NRG1: variants seen among roughly 807,000 people sequenced by gnomAD.
The protein encoded by NRG1 is neuregulin 1.
NRG1 carries 18 observed loss-of-function variants against 63.8 expected under a neutral mutation model. The ratio of observed to expected loss-of-function variants is 0.28; its 90% CI spans 0.19 to 0.42. The LOEUF (loss-of-function observed/expected upper bound fraction) is 0.42, where lower values mean the gene tolerates loss of function less well. Ranked by LOEUF, NRG1 falls within the 10% of genes least tolerant of loss-of-function variation. NRG1 has a pLI of 1.00. For missense variants in NRG1, 762 were observed against 814.7 expected (o/e 0.94, Z 0.79); for synonymous variants, 302 against 301.3 (o/e 1.00, Z -0.02).
chr8:32,097,103 C>T (rs1192922794), intron 1 of NRG1, among the ~76,000 whole-genome samples: 1 of 152,144 alleles, frequency 6.6e-6, no homozygotes, highest in East Asian at 1.9e-4. Flanking sequence ...AATATTTGTG[C>T]TTTTGTGTCA....
chr8:31,738,822 T>A (rs1814957340), intron 1 of NRG1, among the ~76,000 whole-genome samples: 1 of 152,150 alleles, frequency 6.6e-6, no homozygotes, highest in Non-Finnish European at 1.5e-5. Flanking sequence ...TGTCTCTGTC[T>A]CTCTCTGTGT....
At chr8:32,120,448 T>A (rs1277481312) in intron 1 of NRG1, among the ~76,000 whole-genome samples, 2 of 152,042 alleles carry the variant, frequency 1.3e-5, no homozygotes, top group African/African-American at 2.4e-5. Flanking sequence ...TAGGATTAAA[T>A]AAAGTGCTAA....
chr8:31,641,111 G>A (rs187151780), intron 1 of NRG1, among the ~76,000 whole-genome samples: 18 of 152,224 alleles, frequency 1.2e-4, no homozygotes, highest in African/African-American at 4.3e-4. Context: ...GGTGAGTCCC[G>A]CAGGATTTTA....
chr8:31,918,870 C>G (rs1177451047), intron 1 of NRG1, among the ~76,000 whole-genome samples: 1 of 152,032 alleles, frequency 6.6e-6, no homozygotes, highest in Non-Finnish European at 1.5e-5. Flanking sequence ...ATTATTGCCA[C>G]AATTTCAGCT....
chr8:31,802,537 T>C (rs1035010984), intron 1 of NRG1, among the ~76,000 whole-genome samples: 11 of 152,122 alleles, frequency 7.2e-5, no homozygotes, highest in East Asian at 3.9e-4. Flanking sequence ...CTAGTAGGAG[T>C]TATTTACATG....
At chr8:32,341,087 G>A (rs1230158254) in intron 1 of NRG1, among the ~76,000 whole-genome samples, 1 of 152,162 alleles carries the variant, frequency 6.6e-6, no homozygotes, top group Non-Finnish European at 1.5e-5. Flanking sequence ...TTAACTCAGT[G>A]TGTCTACATC....
chr8:32,268,020 G>T (rs1851162905), intron 1 of NRG1, among the ~76,000 whole-genome samples: 1 of 152,086 alleles, frequency 6.6e-6, no homozygotes, highest in Admixed American at 6.6e-5. Flanking sequence ...TGATTCCATG[G>T]TTATCTTATG....
chr8:31,855,032 G>C (rs1391361056), intron 1 of NRG1, among the ~76,000 whole-genome samples: 7 of 152,078 alleles, frequency 4.6e-5, no homozygotes, highest in Admixed American at 2.6e-4. Flanking sequence ...TTACCTCCAA[G>C]TATGTGGTCA....
At chr8:32,674,380 G>T (rs1308919766) in intron 5 of NRG1, among the ~76,000 whole-genome samples, 4 of 152,090 alleles carry the variant, frequency 2.6e-5, no homozygotes, top group Non-Finnish European at 1.5e-5. Flanking sequence ...TCCTCACCCT[G>T]GGCAGAGACT....
intron 1 of NRG1, among the ~76,000 whole-genome samples, chr8:32,096,308 A>T (rs1180496919): frequency 6.6e-6 from 1 of 152,240 alleles, no homozygotes; most frequent in African/African-American, 2.4e-5. Context: ...GTTGATACAT[A>T]ATAACTATAC....
intron 1 of NRG1, among the ~76,000 whole-genome samples, chr8:32,441,670 T>G (rs1162804005): frequency 6.6e-6 from 1 of 152,124 alleles, no homozygotes; most frequent in Non-Finnish European, 1.5e-5. Context: ...ACAATTTCTC[T>G]GCTTTCAAGA....
intron 1 of NRG1, among the ~76,000 whole-genome samples, chr8:32,008,843 G>C (rs902630566): frequency 6.6e-6 from 1 of 152,054 alleles, no homozygotes; most frequent in African/African-American, 2.4e-5. Context: ...ACTTGTGCCT[G>C]CTAATCTTGT....
In NRG1 at chr8:32,425,960, A is replaced by G. The variant is rs557798788; in HGVS notation, c.38-169868A>G. Among the ~76,000 whole-genome samples the G allele has an allele frequency of 6.6e-5, 10 of 152,264 alleles. No individual in the cohort carries two copies. In the South Asian group the frequency reaches 1.0e-3, roughly 16 times the overall value. The stretch of plus-strand genomic sequence containing the variant: ...GGCTGGGTTAGAGTGGGTAGAAACT[A>G]TGGATCATCCTGCCGCAGGTCCAAG... On this transcript the variant is annotated intron_variant, in intron 1 of 10. Transcript: ENST00000519301.
intron 1 of NRG1, among the ~76,000 whole-genome samples, chr8:31,667,577 C>T (rs547855582): frequency 6.6e-6 from 1 of 152,242 alleles, no homozygotes. Context: ...CAGGAAACTG[C>T]ACTGTGACTT....
At chr8:32,689,661 A>G (rs1348627052) in intron 5 of NRG1, among the ~76,000 whole-genome samples, 2 of 152,176 alleles carry the variant, frequency 1.3e-5, no homozygotes, top group Non-Finnish European at 2.9e-5. Context: ...TATATGTAAC[A>G]ATGTAATGCT....
intron 1 of NRG1, among the ~76,000 whole-genome samples, chr8:31,763,076 A>G (rs936962792): frequency 2.6e-5 from 4 of 152,196 alleles, no homozygotes; most frequent in Non-Finnish European, 5.9e-5. Flanking sequence ...AAATCATATA[A>G]TCATCTCAAT....
intron 1 of NRG1, among the ~76,000 whole-genome samples, chr8:32,003,910 G>T (rs533465995): frequency 6.8e-4 from 103 of 151,620 alleles, no homozygotes; most frequent in Non-Finnish European, 1.2e-4. Flanking sequence ...CTTTAAACCT[G>T]GGAATTTATA....
At chr8:32,067,530 G>A (rs577503926) in intron 1 of NRG1, among the ~76,000 whole-genome samples, 1 of 152,146 alleles carries the variant, frequency 6.6e-6, no homozygotes, top group East Asian at 1.9e-4. Flanking sequence ...TGCATCCCAG[G>A]GATGAAGCCC....
At chr8:32,352,269 G>C (rs901172297) in intron 1 of NRG1, among the ~76,000 whole-genome samples, 26 of 151,096 alleles carry the variant, frequency 1.7e-4, no homozygotes, top group African/African-American at 5.8e-4. Context: ...TGATGAGACA[G>C]AAGGGACATT....
Sources: gnomAD v4.1 joint callset for allele counts (sites outside exome capture counted in the v4.1 genomes callset) on GRCh38, gnomAD v4.1.1 for gene constraint, MANE v1.5 for transcripts, NCBI Gene and HGNC (gene_info 2026-07-23, HGNC 2026-07-21) for gene names.